VPS13B: variants seen among roughly 807,000 people sequenced by gnomAD.
VPS13B encodes vacuolar protein sorting 13 homolog B.
A neutral mutation model predicts 426.4 loss-of-function variants in VPS13B; 285 were observed. The observed-to-expected ratio is 0.67, with a 90% CI of 0.61 to 0.74. The LOEUF is 0.74. Among genes scored for constraint, VPS13B ranks in the 30% least tolerant of loss-of-function variants. The pLI, the probability that VPS13B is intolerant of heterozygous loss-of-function variation, is 0.00. For synonymous variants in VPS13B, 1,676 were observed against 1,676.4 expected, an observed-to-expected ratio of 1.00 and a Z score of 0.01; for missense variants, 4,537 against 4,782.6, an observed-to-expected ratio of 0.95 and a Z score of 1.51.
rs377352271 is a variant in VPS13B, at chr8:99,713,495, G to A, written c.6455-3676G>A. 1.4e-4 allele frequency among the ~76,000 whole-genome samples: 21 copies of A among 152,308 alleles called. No individual in the cohort carries two copies. The East Asian group carries it at 2.3e-3, about 17-fold the overall frequency. On this transcript the variant is annotated intron_variant, in intron 36 of 61. Coordinates refer to ENST00000357162, the MANE Select transcript of VPS13B (RefSeq NM_152564.5). ...GAAAGAGGTTACAAATAAGGAAGGC[G>A]AGAAGACTAGAAACCACCCTGTGAT...
chr8:99,340,317 C>T (rs543152523), intron 19 of VPS13B: 8 of 303,206 alleles, frequency 2.6e-5, no homozygotes, highest in African/African-American at 1.1e-4. Flanking sequence ...AATAAATTGC[C>T]GGGGGTTTCT....
At chr8:99,867,402 G>A (rs550759316) in intron 58 of VPS13B, among the ~76,000 whole-genome samples, 3 of 152,346 alleles carry the variant, frequency 2.0e-5, no homozygotes, top group Non-Finnish European at 4.4e-5. Context: ...GATGCCCTGT[G>A]CTACAGCTGT....
At chr8:99,362,206 G>A (rs1260730380) in intron 19 of VPS13B, among the ~76,000 whole-genome samples, 7 of 146,998 alleles carry the variant, frequency 4.8e-5, no homozygotes, top group South Asian at 4.3e-4. Flanking sequence ...GCAGTGGCGC[G>A]ATCTGGCTCA....
chr8:99,431,493 G>A, intron 21 of VPS13B, 44 bp from the exon 22 acceptor site: 1 of 1,608,588 alleles, frequency 6.2e-7, no homozygotes, highest in Non-Finnish European at 8.5e-7. Context: ...CTGTGAAATT[G>A]TAAGTTATGT....
intron 33 of VPS13B, among the ~76,000 whole-genome samples, chr8:99,587,165 C>T: frequency 6.6e-6 from 1 of 152,138 alleles, no homozygotes; most frequent in African/African-American, 2.4e-5. Context: ...TCCTTTTTCA[C>T]AGCTGCATAG....
At chr8:99,501,620 A>G (rs1215390366) in intron 25 of VPS13B, 67 bp from the exon 26 acceptor site, 1 of 1,476,864 alleles carries the variant, frequency 6.8e-7, no homozygotes, top group Non-Finnish European at 9.3e-7. Flanking sequence ...ATTTTAATTT[A>G]TAATTTGTAT....
intron 30 of VPS13B, among the ~76,000 whole-genome samples, chr8:99,545,354 G>C (rs1285869554): frequency 1.3e-5 from 2 of 152,098 alleles, no homozygotes; most frequent in Non-Finnish European, 1.5e-5. Flanking sequence ...TCCTGTGATA[G>C]TGGAAATTTC....
rs1267465488 is a variant in VPS13B at position 99,275,217 on chromosome 8, C to A, written c.2787C>A (p.Ile929=). ...LLAPDLMAFT[I]QVPQYIDYCH... is the part of the protein sequence containing the mutation. ...CTCCAGATTTGATGGCCTTCACAAT[C>A]CAAGTTCCACAATATATTGACTACT... The change falls in exon 19 of 62, where the codon ATC becomes ATA. Residue 929 remains isoleucine, a synonymous_variant. Coordinates refer to ENST00000357162, the MANE Select transcript of VPS13B (RefSeq NM_152564.5). The A allele has an allele frequency of 6.2e-7, 1 of 1,612,118 alleles. No individual in the cohort carries two copies. Among genetic ancestry groups the A allele is most frequent in the South Asian group, 1.1e-5 (1 of 90,954 alleles).
chr8:99,458,751 C>G (rs1389068231), intron 23 of VPS13B, among the ~76,000 whole-genome samples: 1 of 152,152 alleles, frequency 6.6e-6, no homozygotes, highest in Non-Finnish European at 1.5e-5. Context: ...CCTTCGCCCA[C>G]TTTTTGATGG....
At chr8:99,677,120 A>G (rs1212248699) in intron 35 of VPS13B, among the ~76,000 whole-genome samples, 1 of 152,196 alleles carries the variant, frequency 6.6e-6, no homozygotes, top group Admixed American at 6.5e-5. Flanking sequence ...CCATCTCAAA[A>G]AAGAAAAAAA....
intron 19 of VPS13B, among the ~76,000 whole-genome samples, chr8:99,344,887 T>C (rs1465784514): frequency 6.6e-6 from 1 of 152,164 alleles, no homozygotes; most frequent in Non-Finnish European, 1.5e-5. Flanking sequence ...TGTCTTTTCT[T>C]TTACGGTTTG....
At chr8:99,188,920 ATCTTGT>A (rs1437795609) in intron 16 of VPS13B, among the ~76,000 whole-genome samples, 1 of 152,038 alleles carries the variant, frequency 6.6e-6, no homozygotes, top group Non-Finnish European at 1.5e-5. Flanking sequence ...TGGGCTGTGT[ATCTTGT>A]TCTTGTTGAA....
intron 15 of VPS13B, among the ~76,000 whole-genome samples, chr8:99,166,689 C>CT (rs1405423790): frequency 2.0e-5 from 3 of 152,200 alleles, no homozygotes; most frequent in East Asian, 1.9e-4. Flanking sequence ...ATTCCAATGT[C>CT]TTTTTTCAGA....
chr8:99,461,458 T>C (rs960992845), intron 23 of VPS13B, among the ~76,000 whole-genome samples: 1 of 152,186 alleles, frequency 6.6e-6, no homozygotes, highest in Non-Finnish European at 1.5e-5. Flanking sequence ...TTTAGGAAAA[T>C]TACTTGTGAC....
intron 35 of VPS13B, among the ~76,000 whole-genome samples, chr8:99,674,106 G>T (rs1017200378): frequency 6.6e-6 from 1 of 152,018 alleles, no homozygotes; most frequent in Non-Finnish European, 1.5e-5. Flanking sequence ...AGGTTCAAAT[G>T]TTCTAGATTG....
At chr8:99,240,377 T>G (rs987244169) in intron 17 of VPS13B, among the ~76,000 whole-genome samples, 1 of 152,220 alleles carries the variant, frequency 6.6e-6, no homozygotes, top group Admixed American at 6.5e-5. Context: ...CTAAATATTT[T>G]AATAGTATTT....
chr8:99,581,348 A>G (rs1033794846), intron 33 of VPS13B, among the ~76,000 whole-genome samples: 1 of 152,196 alleles, frequency 6.6e-6, no homozygotes, highest in Non-Finnish European at 1.5e-5. Flanking sequence ...ATTTTAATTA[A>G]AAAGACAACT....
At chr8:99,406,433 CT>C (rs1815336868) in intron 21 of VPS13B, among the ~76,000 whole-genome samples, 1 of 152,054 alleles carries the variant, frequency 6.6e-6, no homozygotes, top group South Asian at 2.1e-4. Context: ...TTTTAAACCC[CT>C]GTTCTTTAAT....
chr8:99,072,013 C>G (rs554486095), intron 3 of VPS13B, among the ~76,000 whole-genome samples: 1 of 152,076 alleles, frequency 6.6e-6, no homozygotes, highest in Non-Finnish European at 1.5e-5. Context: ...AAATGCCATC[C>G]AGAAGCCAGG....
Sources: allele counts gnomAD v4.1 joint callset (sites outside exome capture counted in the v4.1 genomes callset), GRCh38; gene constraint gnomAD v4.1.1; transcripts MANE v1.5; gene names NCBI Gene and HGNC (gene_info 2026-07-23, HGNC 2026-07-21).